ZNF777: variants seen among roughly 807,000 people sequenced by gnomAD.
The protein encoded by ZNF777 is zinc finger protein 777.
A neutral mutation model predicts 72.1 loss-of-function variants in ZNF777; 7 were observed. The observed-to-expected ratio is 0.10, with a 90% CI of 0.06 to 0.18. ZNF777 has a LOEUF of 0.18. Ranked by LOEUF, ZNF777 falls within the 10% of genes least tolerant of loss-of-function variation. ZNF777 has a pLI of 1.00. For missense variants in ZNF777, 828 were observed against 1,128.6 expected, an observed-to-expected ratio of 0.73 and a Z score of 3.82; for synonymous variants, 545 against 483.5, an observed-to-expected ratio of 1.13 and a Z score of -1.67.
chr7:149,450,695 A>G (rs111492727), intron 4 of ZNF777, among the ~76,000 whole-genome samples: 35 of 152,290 alleles, frequency 2.3e-4, no homozygotes, highest in African/African-American at 8.2e-4. Flanking sequence ...TTTAAGCACT[A>G]ATGACTGCTT....
At position 149,432,647 on chromosome 7, in the gene ZNF777, C is replaced by G. The variant is rs1563232579; in HGVS notation, c.1625G>C (p.Gly542Ala). ...ASSQQQRNRR[G>A]ERPFTCMECG... is the part of the protein sequence containing the mutation. ...CTCCATGCATGTGAAGGGCCGCTCG[C>G]CGCGCCGGTTCCGCTGCTGCTGGCT... Residue 542 changes from glycine (G) to alanine (A), a missense_variant, in exon 6 of 6, where the codon GGC (glycine) becomes GCC (alanine). Coordinates refer to ENST00000247930, the MANE Select transcript of ZNF777 (RefSeq NM_015694.3). 6.2e-7 allele frequency: 1 copy of G among 1,613,604 alleles called. No homozygotes were observed. The highest frequency in any genetic ancestry group is 2.2e-5 in the East Asian group (1 of 44,868).
At chr7:149,447,670 AT>A (rs1462258402) in intron 4 of ZNF777, among the ~76,000 whole-genome samples, 1 of 152,134 alleles carries the variant, frequency 6.6e-6, no homozygotes, top group Non-Finnish European at 1.5e-5. Flanking sequence ...CTTCCAGACC[AT>A]CCCCCCTGCA....
At chr7:149,434,566 G>T (rs1799380162) in intron 5 of ZNF777, among the ~76,000 whole-genome samples, 1 of 152,080 alleles carries the variant, frequency 6.6e-6, no homozygotes, top group African/African-American at 2.4e-5. Flanking sequence ...AGCATCAAAG[G>T]TGCTTATTTC....
intron 3 of ZNF777, among the ~76,000 whole-genome samples, chr7:149,453,839 G>A (rs75124723): frequency 0.028 from 4,312 of 152,274 alleles, 210 homozygotes; most frequent in African/African-American, 0.098. Context: ...ATATGATGAC[G>A]GAGAGACCAC....
At chr7:149,448,579 CTATATATATATATA>C (rs57860880) in intron 4 of ZNF777, among the ~76,000 whole-genome samples, 19,466 of 115,018 alleles carry the variant, frequency 0.17, 1,885 homozygotes, top group East Asian at 0.38. Context: ...ATACATATAA[CTATATATATATATA>C]TATATATATA....
chr7:149,433,078 C>T (rs1255121045), intron 5 of ZNF777, 146 bp from the exon 6 acceptor site: 3 of 1,292,510 alleles, frequency 2.3e-6, no homozygotes, highest in Admixed American at 3.1e-5. Flanking sequence ...CCCCTCATTG[C>T]GTCCCCTGGT....
intron 4 of ZNF777, among the ~76,000 whole-genome samples, chr7:149,450,396 T>C (rs1404312183): frequency 1.3e-5 from 2 of 152,192 alleles, no homozygotes; most frequent in East Asian, 1.9e-4. Flanking sequence ...TTCTATTTTA[T>C]AGATGAGGAA....
intron 4 of ZNF777, among the ~76,000 whole-genome samples, chr7:149,442,334 C>G (rs1313509369): frequency 6.6e-6 from 1 of 151,494 alleles, no homozygotes; most frequent in Non-Finnish European, 1.5e-5. Flanking sequence ...AAGTAAACCA[C>G]AGGCCAGGCG....
chr7:149,444,079 A>G (rs566094421), intron 4 of ZNF777, among the ~76,000 whole-genome samples: 10 of 152,278 alleles, frequency 6.6e-5, no homozygotes, highest in Non-Finnish European at 1.0e-4. Flanking sequence ...CCAAGGGATG[A>G]CGGTCAGAAC....
chr7:149,437,382 G>A (rs770881952), intron 4 of ZNF777, among the ~76,000 whole-genome samples: 1 of 152,116 alleles, frequency 6.6e-6, no homozygotes, highest in Non-Finnish European at 1.5e-5. Flanking sequence ...CAATCAGGTC[G>A]ATGAAGAAAA....
At position 149,432,792 on chromosome 7, in the gene ZNF777, C is replaced by G; in HGVS notation, c.1480G>C (p.Glu494Gln). The change falls in exon 6 of 6, where the codon GAG becomes CAG. Residue 494 changes from glutamate to glutamine, a missense_variant. By Grantham distance (29) the Glu-to-Gln change is conservative (BLOSUM62 2). This residue lies in a region of ZNF777 where 219 missense variants were observed against 223.0 expected (regional missense o/e 0.98). Coordinates refer to ENST00000247930, the MANE Select transcript of ZNF777 (RefSeq NM_015694.3). The stretch of plus-strand genomic sequence containing the variant: ...CTCTCCTCGCCCTCGGGGGACATCT[C>G]CCCGGGCAGCGGGGTCTGGTACATA... ...ASMYQTPLPG[E>Q]MSPEGEESPP... 6.2e-7 allele frequency: 1 copy of G among 1,608,258 alleles called. No individual in the cohort carries two copies. The highest frequency in any genetic ancestry group is 8.5e-7 in the Non-Finnish European group (1 of 1,175,926).
Position 149,455,541 on chromosome 7 carries a change from T to G in ZNF777, c.482A>C (p.Gln161Pro), listed in dbSNP as rs926342605. 1.2e-6 allele frequency: 2 copies of G among 1,612,212 alleles called. No individual in the cohort carries two copies. Among genetic ancestry groups the G allele is most frequent in the East Asian group, 4.5e-5 (2 of 44,814 alleles). Residue 161 changes from glutamine to proline, a missense_variant, in exon 2 of 6, where the codon CAA becomes CCA. Around this residue, in one of 12 missense-constraint regions of ZNF777, gnomAD observed 222 missense variants for 211.2 expected, o/e 1.05. Transcript: ENST00000247930. The surrounding 1 kb of genome is among the most constrained non-coding windows in gnomAD (Gnocchi z 4.2). ...AGAGATCTGGAAAGGGGTGTCCTTT[T>G]GGGAAACCGGGCTCTGGAGCAGCGG... ...MDPLLQSPVS[Q>P]KDTPFQISSA...
At position 149,455,731 on chromosome 7, in the gene ZNF777, C is replaced by A; in HGVS notation, c.292G>T (p.Ala98Ser). The change falls in exon 2 of 6, where the codon GCT becomes TCT. Residue 98 changes from alanine to serine, a missense_variant. Ala to Ser is a moderately conservative substitution (Grantham distance 99). Around this residue, in one of 12 missense-constraint regions of ZNF777, gnomAD observed 222 missense variants for 211.2 expected, o/e 1.05. Coordinates refer to ENST00000247930, the MANE Select transcript of ZNF777 (RefSeq NM_015694.3). This position sits in a 1 kb window ranked among gnomAD's most constrained non-coding sequence, Gnocchi z 4.2. ...GGATACTGGGTCCCTTCCTGGGAAG[C>A]CAGGGGGCCCTGGAGAGAAGTCTCT... ...EQETSLQGPLASQEGTQYPPP... is the reference protein window; with the variant it reads ...EQETSLQGPLSSQEGTQYPPP... 1 of 1,581,156 alleles carries A rather than the reference C, an allele frequency of 6.3e-7. No homozygotes were observed. The highest frequency in any genetic ancestry group is 1.8e-5 in the Admixed American group (1 of 55,462).
At position 149,432,761 on chromosome 7, in the gene ZNF777, G is replaced by T. The variant is rs749024743; in HGVS notation, c.1511C>A (p.Pro504Gln). The T allele has an allele frequency of 6.2e-7, 1 of 1,610,516 alleles. No individual in the cohort carries two copies. Among genetic ancestry groups the T allele is most frequent in the Admixed American group, 1.7e-5 (1 of 59,860 alleles). Residue 504 changes from proline (P) to glutamine (Q), a missense_variant, in exon 6 of 6, where the codon CCG becomes CAG. This residue lies in a region of ZNF777 where 219 missense variants were observed against 223.0 expected (regional missense o/e 0.98). Transcript: ENST00000247930. The part of the protein sequence containing the change: ...EMSPEGEESP[P>Q]PLQLGNPAVK... The stretch of plus-strand genomic sequence containing the variant: ...TGCGGGGTTTCCTAGCTGCAGGGGC[G>T]GGGGGCTCTCCTCGCCCTCGGGGGA...
intron 1 of ZNF777, among the ~76,000 whole-genome samples, chr7:149,456,597 G>A (rs1799838111): frequency 6.6e-6 from 1 of 152,226 alleles, no homozygotes; most frequent in Admixed American, 6.5e-5. Flanking sequence ...CTCACCAGCA[G>A]GGGCCAGAAC....
intron 4 of ZNF777, among the ~76,000 whole-genome samples, chr7:149,450,123 C>A (rs763314555): frequency 6.6e-6 from 1 of 152,146 alleles, no homozygotes; most frequent in Non-Finnish European, 1.5e-5. Context: ...GTTCACACGC[C>A]ACACCTGCCC....
intron 1 of ZNF777, among the ~76,000 whole-genome samples, chr7:149,458,960 C>CCACAT (rs1157672866): frequency 6.6e-6 from 1 of 152,178 alleles, no homozygotes; most frequent in African/African-American, 2.4e-5. Context: ...AGGATTCATG[C>CCACAT]CACATTAGCA....
rs1186258775 is a variant in ZNF777, at chr7:149,431,752, G to A, written c.*24C>T. On this transcript the variant is annotated 3_prime_UTR_variant, in exon 6 of 6. Transcript: ENST00000247930. ...GGGGGCACGGCCCGCGCACCTGGCC[G>A]GGCGGCGGCGGCGGGGCGCGCGCTC... The A allele has an allele frequency of 3.5e-6, 5 of 1,431,036 alleles. No homozygotes were observed. The South Asian group carries it at 4.3e-5, about 12-fold the overall frequency. 88.6% of individuals were successfully genotyped at this position (1,431,036 alleles called of 1,614,324 possible).
rs1799422206 is a variant in ZNF777 at position 149,436,932 on chromosome 7, C to CTT, written c.1088-108_1088-107dup. On this transcript the variant is annotated intron_variant, in intron 4 of 5. Coordinates refer to ENST00000247930, the MANE Select transcript of ZNF777 (RefSeq NM_015694.3). This position sits in a 1 kb window ranked among gnomAD's most constrained non-coding sequence, Gnocchi z 5.0. ...CAATTTACATCTCAATAAGTCTTAT[C>CTT]TTAGAGACCCTGAAGAAATGTAATA... is the stretch of plus-strand genomic sequence containing the variant. 1 of 1,363,848 alleles carries CTT rather than the reference C, an allele frequency of 7.3e-7. No individual in the cohort carries two copies. The highest frequency in any genetic ancestry group is 1.4e-5 in the South Asian group (1 of 69,690). The allele number at this position is 1,363,848 out of a possible 1,614,324, so 84.5% of individuals were successfully genotyped here. A position where few individuals can be genotyped will look rare whatever the true frequency, so the allele number is the denominator to read the frequency against.
Sources: gnomAD v4.1 joint callset for allele counts (sites outside exome capture counted in the v4.1 genomes callset) on GRCh38, gnomAD v4.1.1 for gene constraint, gnomAD v4.1.1 regional missense constraint, Gnocchi (gnomAD v3.1) non-coding constraint, MANE v1.5 for transcripts, NCBI Gene and HGNC (gene_info 2026-07-23, HGNC 2026-07-21) for gene names.